The following CSMD1 variants were observed in gnomAD, a reference collection of about 807,000 sequenced individuals.
The protein encoded by CSMD1 is CUB and sushi domain-containing protein 1.
A neutral mutation model predicts 417.5 loss-of-function variants in CSMD1; 213 were observed. The ratio of observed to expected loss-of-function variants is 0.51; its 90% CI spans 0.46 to 0.57. CSMD1 has a LOEUF of 0.57. Ranked by LOEUF, CSMD1 falls within the 20% of genes least tolerant of loss-of-function variation. CSMD1 has a pLI of 0.00. For missense variants in CSMD1, 6,923 were observed against 4,529.7 expected (o/e 1.53, Z -15.17); for synonymous variants, 2,862 against 1,736.8 (o/e 1.65, Z -16.11).
intron 3 of CSMD1, among the ~76,000 whole-genome samples, chr8:4,202,801 T>A (rs1255541461): frequency 2.6e-5 from 4 of 152,120 alleles, no homozygotes; most frequent in African/African-American, 9.7e-5. Context: ...GATTCAAACG[T>A]CAGAAAATAC....
At position 3,348,057 on chromosome 8, in the gene CSMD1, C is replaced by G. The variant is rs551346147; in HGVS notation, c.3409G>C (p.Glu1137Gln). The change falls in exon 22 of 70, where the codon GAA (glutamate) becomes CAA (glutamine). Residue 1137 changes from glutamate to glutamine, a missense_variant. Coordinates refer to ENST00000635120, the MANE Select transcript of CSMD1 (RefSeq NM_033225.6). ...CTAAGGTGGATGCCCTTGCCGGCTT[C>G]TGTTTCTATTTTATAGATACACTCA... ...NHECIYKIET[E>Q]AGKGIHLRTR... The G allele has an allele frequency of 3.2e-5, 51 of 1,612,094 alleles. No homozygotes were observed. In the South Asian group the frequency reaches 5.2e-4, roughly 16 times the overall value.
chr8:4,272,223 C>G (rs1224997570), intron 3 of CSMD1, among the ~76,000 whole-genome samples: 2 of 152,098 alleles, frequency 1.3e-5, no homozygotes, highest in East Asian at 3.9e-4. Flanking sequence ...TGGCTTAGTA[C>G]TATAGTACTT....
At chr8:4,614,245 A>C (rs1006745117) in intron 2 of CSMD1, among the ~76,000 whole-genome samples, 2 of 152,202 alleles carry the variant, frequency 1.3e-5, no homozygotes, top group East Asian at 3.9e-4. Context: ...GATGGACCCA[A>C]GACTAGTTCA....
At chr8:4,382,932 C>G (rs892790647) in intron 3 of CSMD1, among the ~76,000 whole-genome samples, 2 of 152,126 alleles carry the variant, frequency 1.3e-5, no homozygotes, top group African/African-American at 4.8e-5. Flanking sequence ...GGTGTACATT[C>G]ATTTTATCAC....
intron 3 of CSMD1, among the ~76,000 whole-genome samples, chr8:4,366,500 CCA>C (rs761180986): frequency 6.6e-5 from 10 of 152,232 alleles, no homozygotes; most frequent in South Asian, 6.2e-4. Flanking sequence ...CGATAAAACT[CCA>C]CAGTTTTCCA....
At chr8:4,577,226 T>C (rs1799181378) in intron 2 of CSMD1, among the ~76,000 whole-genome samples, 1 of 152,166 alleles carries the variant, frequency 6.6e-6, no homozygotes, top group African/African-American at 2.4e-5. Context: ...ATATAGAATG[T>C]AAGAAAGGAA....
intron 25 of CSMD1, among the ~76,000 whole-genome samples, chr8:3,288,077 T>C (rs139136928): frequency 0.04 from 5,893 of 147,414 alleles, 456 homozygotes; most frequent in Admixed American, 0.094. Flanking sequence ...GTTTTTGTCT[T>C]TGGTTCTGTT....
At chr8:3,309,192 G>C (rs1013044418) in intron 23 of CSMD1, among the ~76,000 whole-genome samples, 1 of 152,098 alleles carries the variant, frequency 6.6e-6, no homozygotes, top group Non-Finnish European at 1.5e-5. Flanking sequence ...AAGGAAGAGG[G>C]GCCACCTATC....
intron 5 of CSMD1, among the ~76,000 whole-genome samples, chr8:3,878,237 G>T (rs1322845982): frequency 6.6e-6 from 1 of 152,128 alleles, no homozygotes; most frequent in Non-Finnish European, 1.5e-5. Context: ...AAGTCGAGAT[G>T]ATAATTTCTT....
chr8:3,952,253 T>C (rs1279674397), intron 5 of CSMD1, among the ~76,000 whole-genome samples: 2 of 152,130 alleles, frequency 1.3e-5, no homozygotes, highest in African/African-American at 4.8e-5. Flanking sequence ...TCCTCACTCT[T>C]ATTCTCCTGA....
At chr8:4,211,550 G>A (rs900462546) in intron 3 of CSMD1, among the ~76,000 whole-genome samples, 2 of 152,132 alleles carry the variant, frequency 1.3e-5, no homozygotes, top group Admixed American at 6.5e-5. Context: ...AGCATTCCAA[G>A]AAATGTTTAC....
chr8:4,274,150 C>G (rs887701378), intron 3 of CSMD1, among the ~76,000 whole-genome samples: 1 of 152,080 alleles, frequency 6.6e-6, no homozygotes, highest in Non-Finnish European at 1.5e-5. Flanking sequence ...CTAATACTCA[C>G]TAATGTATTT....
intron 1 of CSMD1, among the ~76,000 whole-genome samples, chr8:4,800,744 A>C (rs923387421): frequency 2.0e-5 from 3 of 152,138 alleles, no homozygotes; most frequent in Non-Finnish European, 2.9e-5. Flanking sequence ...GCCTCTGGCC[A>C]CTTTGGTGGG....
chr8:4,000,120 A>T (rs1563303074), intron 4 of CSMD1, among the ~76,000 whole-genome samples: 1 of 152,162 alleles, frequency 6.6e-6, no homozygotes, highest in African/African-American at 2.4e-5. Flanking sequence ...CTCCGTGGGC[A>T]CCACTGTGCA....
chr8:3,857,421 G>A (rs180709714), intron 5 of CSMD1, among the ~76,000 whole-genome samples: 249 of 152,286 alleles, frequency 1.6e-3, no homozygotes, highest in African/African-American at 5.8e-3. Flanking sequence ...AACAAAAACT[G>A]TGATGGTAAA....
chr8:3,818,200 C>T (rs1384015579), intron 5 of CSMD1, among the ~76,000 whole-genome samples: 1 of 152,094 alleles, frequency 6.6e-6, no homozygotes, highest in South Asian at 2.1e-4. Context: ...CACAGCTGCT[C>T]CTCCATGAAA....
intron 12 of CSMD1, among the ~76,000 whole-genome samples, chr8:3,422,761 G>C (rs1357140584): frequency 6.6e-6 from 1 of 152,184 alleles, no homozygotes. Context: ...AATGTATGAA[G>C]AGCAGAAATG....
At chr8:4,374,394 G>C (rs925034871) in intron 3 of CSMD1, among the ~76,000 whole-genome samples, 29 of 152,290 alleles carry the variant, frequency 1.9e-4, no homozygotes, top group African/African-American at 5.5e-4. Context: ...TAAAAAGAAA[G>C]TCATAGGGGC....
chr8:4,393,790 G>C (rs1421371548), intron 3 of CSMD1, among the ~76,000 whole-genome samples: 1 of 152,102 alleles, frequency 6.6e-6, no homozygotes, highest in African/African-American at 2.4e-5. Flanking sequence ...ATCCTTAACT[G>C]ATCATCTTTA....
Sources: allele counts gnomAD v4.1 joint callset (sites outside exome capture counted in the v4.1 genomes callset), GRCh38; gene constraint gnomAD v4.1.1; transcripts MANE v1.5; gene names NCBI Gene and HGNC (gene_info 2026-07-23, HGNC 2026-07-21).